CHD6: variants seen among roughly 807,000 people sequenced by gnomAD.
CHD6 encodes the protein chromodomain helicase DNA binding protein 6, also known as ATP-dependent chromatin remodeler CHD6.
CHD6 carries 50 observed loss-of-function variants against 276.9 expected under a neutral mutation model. The observed-to-expected ratio is 0.18, with a 90% CI of 0.14 to 0.23. The LOEUF is 0.23. Among genes scored for constraint, CHD6 ranks in the 10% least tolerant of loss-of-function variants. The pLI, the probability that CHD6 is intolerant of heterozygous loss-of-function variation, is 1.00. For synonymous variants in CHD6, 1,173 were observed against 1,229.3 expected, an observed-to-expected ratio of 0.95 and a Z score of 0.96; for missense variants, 2,564 against 3,365.8, an observed-to-expected ratio of 0.76 and a Z score of 5.89.
intron 1 of CHD6, among the ~76,000 whole-genome samples, chr20:41,596,361 T>C (rs1350515591): frequency 1.3e-5 from 2 of 152,120 alleles, no homozygotes; most frequent in Non-Finnish European, 2.9e-5. Context: ...TATTAGATGA[T>C]CCTTTTGGGG....
At chr20:41,457,784 T>C (rs2048421443) in intron 17 of CHD6, among the ~76,000 whole-genome samples, 1 of 152,214 alleles carries the variant, frequency 6.6e-6, no homozygotes, top group Admixed American at 6.5e-5. Context: ...TCAGAGCTGG[T>C]AGCACTGAAA....
chr20:41,478,224 C>G (rs1039569296), intron 16 of CHD6, among the ~76,000 whole-genome samples: 1 of 152,076 alleles, frequency 6.6e-6, no homozygotes, highest in Admixed American at 6.6e-5. Flanking sequence ...TCCACAGTGC[C>G]CCCCCATCTG....
rs1350358495 is a variant in CHD6 at position 41,422,024 on chromosome 20, T to C, written c.4611A>G (p.Arg1537=). 1.2e-6 allele frequency: 2 copies of C among 1,613,966 alleles called. No individual in the cohort carries two copies. Among genetic ancestry groups the C allele is most frequent in the African/African-American group, 2.7e-5 (2 of 74,918 alleles). ...VEPITEERAA[R]TLYRIELLRK... is the part of the protein sequence containing the mutation. ...GTAACAGTTCAATGCGGTACAGAGTTCTTGCAGCACGTTCCTCAGTGATGG... is the reference window on the plus strand; with the variant it reads ...GTAACAGTTCAATGCGGTACAGAGTCCTTGCAGCACGTTCCTCAGTGATGG... Residue 1537 remains arginine (R), a synonymous_variant, in exon 31 of 37, where the codon AGA becomes AGG. Transcript: ENST00000373233.
In CHD6 at chr20:41,514,832, C is replaced by T; in HGVS notation, c.675G>A (p.Glu225=). 1 of 1,614,020 alleles carries T rather than the reference C, an allele frequency of 6.2e-7. No individual in the cohort carries two copies. The highest frequency in any genetic ancestry group is 1.1e-5 in the South Asian group (1 of 91,078). Residue 225 remains glutamate, a synonymous_variant, in exon 4 of 37, where the codon GAG becomes GAA. Transcript: ENST00000373233. The part of the protein sequence containing the change: ...GLTNPSLRSP[E]ESTESTDSQK... ...GGCTGTCTGTAGACTCAGTGGACTC[C>T]TCAGGACTCCGCAGAGATGGGTTCG...
rs1325143280 is a variant in CHD6 at position 41,538,729 on chromosome 20, T to A, written c.34-5159A>T. 2.0e-5 allele frequency among the ~76,000 whole-genome samples: 3 copies of A among 152,168 alleles called. No homozygotes were observed. The East Asian group carries it at 5.8e-4, about 29-fold the overall frequency. On this transcript the variant is annotated intron_variant, in intron 2 of 36. Transcript: ENST00000373233. Reference sequence around the variant, plus strand: ...GCAAGAGTATCAACTATTAAAAGCCTTTTTTTGCAGGACAGAGTAGCAACA... The same window carrying A: ...GCAAGAGTATCAACTATTAAAAGCCATTTTTTGCAGGACAGAGTAGCAACA...
chr20:41,483,202 G>A (rs531900102), intron 16 of CHD6, 107 bp downstream of exon 16: 16 of 947,168 alleles, frequency 1.7e-5, no homozygotes, highest in African/African-American at 1.2e-4. Flanking sequence ...CCTTTCCTCC[G>A]TTTTTGAATG....
At chr20:41,450,434 G>A (rs1479731775) in intron 23 of CHD6, among the ~76,000 whole-genome samples, 2 of 151,466 alleles carry the variant, frequency 1.3e-5, no homozygotes, top group Non-Finnish European at 2.9e-5. Context: ...AACTAAATAT[G>A]AACAAAGTTT....
Position 41,440,041 on chromosome 20 carries a change from T to C in CHD6, c.3966A>G (p.Ala1322=), listed in dbSNP as rs749476177. 1 of 1,614,122 alleles carries C rather than the reference T, an allele frequency of 6.2e-7. No homozygotes were observed. Among genetic ancestry groups the C allele is most frequent in the Non-Finnish European group, 8.5e-7 (1 of 1,179,960 alleles). The change falls in exon 26 of 37, where the codon GCA becomes GCG. Residue 1322 remains alanine, a synonymous_variant. Coordinates refer to ENST00000373233, the MANE Select transcript of CHD6 (RefSeq NM_032221.5). ...VGMPDEKSLS[A]EQGVTDGTSD... ...AGGTCCCATCTGTAACACCCTGTTCTGCAGAAAGGGACTTCTCATCGGGCA... is the reference window on the plus strand; with the variant it reads ...AGGTCCCATCTGTAACACCCTGTTCCGCAGAAAGGGACTTCTCATCGGGCA...
chr20:41,579,456 T>C (rs1272378554), intron 1 of CHD6, among the ~76,000 whole-genome samples: 5 of 96,436 alleles, frequency 5.2e-5, no homozygotes, highest in Admixed American at 4.9e-4. Flanking sequence ...AAAAAAAAAA[T>C]CTTAAAAGGC....
At chr20:41,512,328 G>A (rs1485853231) in intron 5 of CHD6, among the ~76,000 whole-genome samples, 1 of 152,036 alleles carries the variant, frequency 6.6e-6, no homozygotes, top group Non-Finnish European at 1.5e-5. Flanking sequence ...ACATTCAAAT[G>A]CAATTTGTGT....
intron 1 of CHD6, among the ~76,000 whole-genome samples, chr20:41,593,406 T>C (rs1178871622): frequency 1.3e-5 from 2 of 152,338 alleles, no homozygotes; most frequent in Non-Finnish European, 2.9e-5. Context: ...AAAGGCTTTC[T>C]GTATGCACAG....
chr20:41,614,009 T>TAA (rs59802909), intron 1 of CHD6, among the ~76,000 whole-genome samples: 31 of 131,154 alleles, frequency 2.4e-4, no homozygotes, highest in African/African-American at 8.1e-4. Context: ...TCTTAGAGTA[T>TAA]AAAAAAAAAA....
chr20:41,548,587 A>C (rs2045089265), intron 2 of CHD6, among the ~76,000 whole-genome samples: 1 of 152,240 alleles, frequency 6.6e-6, no homozygotes, highest in Admixed American at 6.5e-5. Flanking sequence ...GGCATAGGCA[A>C]GGACTTCATG....
chr20:41,417,495 C>A (rs1272998385), intron 31 of CHD6, 146 bp from the exon 32 acceptor site: 6 of 700,214 alleles, frequency 8.6e-6, no homozygotes, highest in Non-Finnish European at 1.3e-5. Flanking sequence ...ATTATGATAT[C>A]TTCTATTTCC....
intron 3 of CHD6, among the ~76,000 whole-genome samples, chr20:41,520,597 A>C (rs1030343849): frequency 4.1e-5 from 6 of 146,214 alleles, no homozygotes; most frequent in African/African-American, 1.5e-4. Context: ...GCATGTTCTC[A>C]CTCATAGGTG....
At chr20:41,503,246 T>A (rs1291418000) in intron 5 of CHD6, among the ~76,000 whole-genome samples, 1 of 152,228 alleles carries the variant, frequency 6.6e-6, no homozygotes, top group Non-Finnish European at 1.5e-5. Flanking sequence ...ATTGTCTTTA[T>A]GTATCCATAT....
intron 1 of CHD6, among the ~76,000 whole-genome samples, chr20:41,601,914 C>T (rs974801638): frequency 5.9e-5 from 9 of 152,168 alleles, no homozygotes; most frequent in Admixed American, 3.3e-4. Flanking sequence ...TACCTGGCAC[C>T]GGCACCAAAT....
At position 41,483,471 on chromosome 20, in the gene CHD6, T is replaced by C. The variant is rs767368548; in HGVS notation, c.2306A>G (p.Asp769Gly). The C allele has an allele frequency of 2.5e-6, 4 of 1,613,656 alleles. No homozygotes were observed. In the South Asian group the frequency reaches 3.3e-5, roughly 13 times the overall value. ...LEDFRKTHSP[D>G]APDFQLQAMI... ...GGCCTGCAGCTGAAAGTCAGGGGCA[T>C]CAGGGCTGTGGGTTTTTCGGAAATC... The change falls in exon 16 of 37, where the codon GAT becomes GGT. Residue 769 changes from aspartate (D) to glycine (G), a missense_variant. By Grantham distance (94) the Asp-to-Gly change is moderately conservative (BLOSUM62 -1). Transcript: ENST00000373233.
intron 1 of CHD6, among the ~76,000 whole-genome samples, chr20:41,615,312 C>G (rs1415481232): frequency 6.8e-6 from 1 of 146,562 alleles, no homozygotes; most frequent in Non-Finnish European, 1.5e-5. Flanking sequence ...AATGCTAGTT[C>G]TTTTTGCTCC....
Sources: gnomAD v4.1 joint callset for allele counts (sites outside exome capture counted in the v4.1 genomes callset) on GRCh38, gnomAD v4.1.1 for gene constraint, MANE v1.5 for transcripts, NCBI Gene and HGNC (gene_info 2026-07-23, HGNC 2026-07-21) for gene names.